PEX3: variants seen among roughly 807,000 people sequenced by gnomAD.
PEX3 encodes peroxisomal biogenesis factor 3.
Under a neutral mutation model 55.8 loss-of-function variants are expected in PEX3, and 30 were observed. That is an observed-to-expected ratio of 0.54 (90% CI 0.40 to 0.73). PEX3 has a LOEUF of 0.73. Among genes scored for constraint, PEX3 ranks in the 30% least tolerant of loss-of-function variants. The probability of loss-of-function intolerance (pLI) is 0.00; values close to 1 mark genes in which losing one functional copy is unlikely to be tolerated. For missense variants in PEX3, 351 were observed against 432.8 expected (o/e 0.81, Z 1.68); for synonymous variants, 135 against 148.4 (o/e 0.91, Z 0.66).
intron 1 of PEX3, among the ~76,000 whole-genome samples, chr6:143,457,424 T>C (rs1032171256): frequency 6.6e-6 from 1 of 152,178 alleles, no homozygotes; most frequent in Non-Finnish European, 1.5e-5. Flanking sequence ...GTTCTAATTG[T>C]TTTTAGCACA....
chr6:143,459,351 G>T lies in PEX3; in HGVS notation c.205+135G>T, dbSNP rs1385052874. ...TAGCAAGTGTTTGAATGATTTAACT[G>T]AATTACATCATTTTAATGTGAATTT... On this transcript the variant is annotated intron_variant, in intron 2 of 11. Coordinates refer to ENST00000367591, the MANE Select transcript of PEX3 (RefSeq NM_003630.3). This position sits in a 1 kb window ranked among gnomAD's most constrained non-coding sequence, Gnocchi z 4.2. The T allele has an allele frequency of 5.4e-6, 4 of 744,130 alleles. No individual in the cohort carries two copies. Among genetic ancestry groups the T allele is most frequent in the Non-Finnish European group, 9.4e-6 (4 of 424,982 alleles). The allele number at this position is 744,130 out of a possible 1,614,324, so 46.1% of individuals were successfully genotyped here.
chr6:143,471,781 CTTT>C lies in PEX3; in HGVS notation c.578+177_578+179del, dbSNP rs3834741. Among the ~76,000 whole-genome samples, 1 of 151,112 alleles carries C rather than the reference CTTT, an allele frequency of 6.6e-6. No homozygotes were observed. Among genetic ancestry groups the C allele is most frequent in the Non-Finnish European group, 1.5e-5 (1 of 67,708 alleles). ...GCATTGTGGGATCCATTTTCTTTAT[CTTT>C]TTTTTTATACAGAGGGGAAAGTTTT... On this transcript the variant is annotated intron_variant, in intron 7 of 11. Coordinates refer to ENST00000367591, the MANE Select transcript of PEX3 (RefSeq NM_003630.3). The surrounding 1 kb of genome is among the most constrained non-coding windows in gnomAD (Gnocchi z 5.4).
chr6:143,456,185 CAG>C (rs764033479), intron 1 of PEX3, among the ~76,000 whole-genome samples: 1 of 152,142 alleles, frequency 6.6e-6, no homozygotes, highest in African/African-American at 2.4e-5. Context: ...AATTTAGACA[CAG>C]AGGGAGGAAG....
rs1481117339 is a variant in PEX3, at chr6:143,475,520, G to T, written c.818+664G>T. On this transcript the variant is annotated intron_variant, in intron 9 of 11. Coordinates refer to ENST00000367591, the MANE Select transcript of PEX3 (RefSeq NM_003630.3). This position sits in a 1 kb window ranked among gnomAD's most constrained non-coding sequence, Gnocchi z 4.4. ...GAAAAAAAATTAGCCAGGCATGGTG[G>T]TGCACACCTGTGGTCCCAGTTACTT... 1.3e-5 allele frequency among the ~76,000 whole-genome samples: 2 copies of T among 152,140 alleles called. No individual in the cohort carries two copies. Among genetic ancestry groups the T allele is most frequent in the East Asian group, 3.8e-4 (2 of 5,196 alleles).
Position 143,466,014 on chromosome 6 carries a change from C to G in PEX3, c.288-2108C>G, listed in dbSNP as rs1009519965. 6.6e-6 allele frequency among the ~76,000 whole-genome samples: 1 copy of G among 151,820 alleles called. No individual in the cohort carries two copies. Among genetic ancestry groups the G allele is most frequent in the African/African-American group, 2.4e-5 (1 of 41,342 alleles). ...TATTGTATTTAACAAAAGTGCTGCT[C>G]TGTGACAGATTGGAAAGGAAAAGGA... On this transcript the variant is annotated intron_variant, in intron 3 of 11. Transcript: ENST00000367591. The surrounding 1 kb of genome is among the most constrained non-coding windows in gnomAD (Gnocchi z 5.4).
chr6:143,481,940 T>C (rs1303657884), intron 10 of PEX3, among the ~76,000 whole-genome samples: 2 of 151,680 alleles, frequency 1.3e-5, no homozygotes, highest in African/African-American at 4.8e-5. Context: ...TGTACTCCAG[T>C]CTGAGTGACA....
In PEX3 at chr6:143,459,212, G is replaced by A. The variant is rs1779886892; in HGVS notation, c.201G>A (p.Met67Ile). The A allele has an allele frequency of 6.2e-7, 1 of 1,611,752 alleles. No individual in the cohort carries two copies. The highest frequency in any genetic ancestry group is 1.3e-5 in the African/African-American group (1 of 74,850). ...AAAGTAACCAGAGGACTTGCAATAT[G>A]ACAGGTAAGACAGAGAAATATTTAT... ...HFESNQRTCNMTVLSMLPTLR... is the reference protein window; with the variant it reads ...HFESNQRTCNITVLSMLPTLR... Residue 67 changes from methionine to isoleucine, a missense_variant, in exon 2 of 12, where the codon ATG becomes ATA. Transcript: ENST00000367591. The surrounding 1 kb of genome is among the most constrained non-coding windows in gnomAD (Gnocchi z 4.2).
In PEX3 at chr6:143,451,048, G is replaced by A. The variant is rs1779752382; in HGVS notation, c.6G>A (p.Leu2=). 1 of 1,612,360 alleles carries A rather than the reference G, an allele frequency of 6.2e-7. No homozygotes were observed. Among genetic ancestry groups the A allele is most frequent in the African/African-American group, 1.3e-5 (1 of 74,862 alleles). The change falls in exon 1 of 12, where the codon CTG becomes CTA. Residue 2 remains leucine (L), a synonymous_variant. Transcript: ENST00000367591. This position sits in a 1 kb window ranked among gnomAD's most constrained non-coding sequence, Gnocchi z 4.1. M[L]RSVWNFLKRH... is the part of the protein sequence containing the mutation. ...CACACCCCTAGGGCCTAAAGATGCTGAGGTCTGTATGGAATTTTCTGAAAC... is the reference window on the plus strand; with the variant it reads ...CACACCCCTAGGGCCTAAAGATGCTAAGGTCTGTATGGAATTTTCTGAAAC...
chr6:143,478,082 T>C (rs940104588), intron 9 of PEX3, among the ~76,000 whole-genome samples: 1 of 152,118 alleles, frequency 6.6e-6, no homozygotes, highest in Non-Finnish European at 1.5e-5. Context: ...TGGAGCCCTA[T>C]GTAGCAAAAA....
At chr6:143,478,370 A>G (rs779124018) in intron 9 of PEX3, among the ~76,000 whole-genome samples, 1 of 152,090 alleles carries the variant, frequency 6.6e-6, no homozygotes, top group Non-Finnish European at 1.5e-5. Flanking sequence ...TGACTTGTGC[A>G]TTTAAAATGG....
In PEX3 at chr6:143,470,977, T is replaced by C. The variant is rs760092536; in HGVS notation, c.348T>C (p.Thr116=). 42 of 1,612,632 alleles carry C rather than the reference T, an allele frequency of 2.6e-5. No homozygotes were observed. The highest frequency in any genetic ancestry group is 3.3e-5 in the Non-Finnish European group (39 of 1,178,976). The change falls in exon 5 of 12, where the codon ACT becomes ACC. Residue 116 remains threonine (T), a synonymous_variant. Transcript: ENST00000367591. ...TCTGTGAAGGTTTCACAAGAAGTAC[T>C]GTGGCTGTATACAGTACCTGTATGC... ...DLKIISFTRS[T]VAVYSTCMLV...
intron 4 of PEX3, among the ~76,000 whole-genome samples, chr6:143,470,371 G>C (rs548765398): frequency 6.6e-6 from 1 of 152,256 alleles, no homozygotes; most frequent in African/African-American, 2.4e-5. Context: ...CACCTAAGCA[G>C]GTCTCTCAAG....
At chr6:143,474,939 A>G in intron 9 of PEX3, 83 bp downstream of exon 9, 4 of 778,046 alleles carry the variant, frequency 5.1e-6, no homozygotes, top group Admixed American at 1.7e-5. Context: ...CTTGAACAAC[A>G]TGGTCGGTAT....
intron 2 of PEX3, among the ~76,000 whole-genome samples, chr6:143,461,806 G>T (rs777161161): frequency 3.3e-5 from 5 of 152,042 alleles, no homozygotes; most frequent in Admixed American, 6.6e-5. Context: ...ACATTAGCTG[G>T]TCATGGAGGC....
intron 8 of PEX3, among the ~76,000 whole-genome samples, chr6:143,473,378 G>T (rs760937221): frequency 3.3e-5 from 5 of 152,124 alleles, no homozygotes; most frequent in Non-Finnish European, 7.4e-5. Flanking sequence ...TCAAGGAGAC[G>T]CAATAAGAGT....
Position 143,482,496 on chromosome 6 carries a change from G to T in PEX3, c.942-2656G>T, listed in dbSNP as rs1375509860. Among the ~76,000 whole-genome samples, 1 of 151,962 alleles carries T rather than the reference G, an allele frequency of 6.6e-6. No homozygotes were observed. The highest frequency in any genetic ancestry group is 1.5e-5 in the Non-Finnish European group (1 of 67,948). On this transcript the variant is annotated intron_variant, in intron 10 of 11. Transcript: ENST00000367591. This position sits in a 1 kb window ranked among gnomAD's most constrained non-coding sequence, Gnocchi z 5.5. ...AAATTCTATTGGAGATTGGAGGATG[G>T]TTGATTTTTTTCATCTTAAACCTGA...
Position 143,458,536 on chromosome 6 carries a change from A to AGAGGACAAAATGACC in PEX3, c.74-548_74-534dup, listed in dbSNP as rs768507544. On this transcript the variant is annotated intron_variant, in intron 1 of 11. Coordinates refer to ENST00000367591, the MANE Select transcript of PEX3 (RefSeq NM_003630.3). The surrounding 1 kb of genome is among the most constrained non-coding windows in gnomAD (Gnocchi z 6.1). The stretch of plus-strand genomic sequence containing the variant: ...ATTTTGTGTTCATTGAAGAAAATAT[A>AGAGGACAAAATGACC]GAGGACAAAATGACCTGTTATCCCA... Among the ~76,000 whole-genome samples, 292 of 152,302 alleles carry AGAGGACAAAATGACC rather than the reference A, an allele frequency of 1.9e-3. 4 individuals are homozygous for AGAGGACAAAATGACC. Among genetic ancestry groups the AGAGGACAAAATGACC allele is most frequent in the Middle Eastern group, 0.01 (3 of 294 alleles).
chr6:143,460,557 T>C (rs1037196573), intron 2 of PEX3, among the ~76,000 whole-genome samples: 1 of 152,154 alleles, frequency 6.6e-6, no homozygotes, highest in African/African-American at 2.4e-5. Context: ...TGCTTATTAT[T>C]TGAATTTTCA....
rs1315344104 is a variant in PEX3 at position 143,475,693 on chromosome 6, C to T, written c.818+837C>T. The stretch of plus-strand genomic sequence containing the variant: ...AAACAAAAAAGGCCATCAGTGTTTC[C>T]CAGGTATTTGTTCTTTCTTCATTGG... On this transcript the variant is annotated intron_variant, in intron 9 of 11. Transcript: ENST00000367591. This position sits in a 1 kb window ranked among gnomAD's most constrained non-coding sequence, Gnocchi z 4.4. Among the ~76,000 whole-genome samples the T allele has an allele frequency of 1.3e-5, 2 of 152,074 alleles. No individual in the cohort carries two copies. Among genetic ancestry groups the T allele is most frequent in the Admixed American group, 6.6e-5 (1 of 15,258 alleles).
Sources: allele counts gnomAD v4.1 joint callset (sites outside exome capture counted in the v4.1 genomes callset), GRCh38; gene constraint gnomAD v4.1.1; non-coding constraint Gnocchi (gnomAD v3.1); transcripts MANE v1.5; gene names NCBI Gene and HGNC (gene_info 2026-07-23, HGNC 2026-07-21).